GNA14: variants seen among roughly 807,000 people sequenced by gnomAD.
GNA14 encodes the protein guanine nucleotide-binding protein subunit alpha-14.
GNA14 carries 50 observed loss-of-function variants against 42.0 expected under a neutral mutation model. The ratio of observed to expected loss-of-function variants is 1.19; its 90% CI spans 0.95 to 1.51. The LOEUF (loss-of-function observed/expected upper bound fraction) is 1.51. Among genes scored for constraint, GNA14 ranks in the 40% most tolerant of loss-of-function variants. The pLI, the probability that GNA14 is intolerant of heterozygous loss-of-function variation, is 0.00. For missense variants in GNA14, 473 were observed against 446.2 expected, an observed-to-expected ratio of 1.06 and a Z score of -0.54; for synonymous variants, 173 against 163.1, an observed-to-expected ratio of 1.06 and a Z score of -0.46.
At chr9:77,536,900 A>T (rs941290496) in intron 1 of GNA14, among the ~76,000 whole-genome samples, 5 of 152,180 alleles carry the variant, frequency 3.3e-5, no homozygotes, top group Admixed American at 1.3e-4. Flanking sequence ...CAAAAATAAT[A>T]TATTTCTCCT....
Position 77,454,865 on chromosome 9 carries a change from G to A in GNA14, c.310-20343C>T, listed in dbSNP as rs75500863. ...ACATATATTAGCATCTCCCATGAAT[G>A]TTTAGTTTGGGAAATGCCCTAGATG... is the stretch of plus-strand genomic sequence containing the variant. On this transcript the variant is annotated intron_variant, in intron 2 of 6. Coordinates refer to ENST00000341700, the MANE Select transcript of GNA14 (RefSeq NM_004297.4). Among the ~76,000 whole-genome samples, 373 of 152,264 alleles carry A rather than the reference G, an allele frequency of 2.4e-3. 3 individuals are homozygous for A. In the East Asian group the frequency reaches 0.029, roughly 12 times the overall value.
intron 1 of GNA14, among the ~76,000 whole-genome samples, chr9:77,576,003 G>C (rs1823122933): frequency 6.6e-6 from 1 of 152,210 alleles, no homozygotes; most frequent in Non-Finnish European, 1.5e-5. Flanking sequence ...CCATGGTGCT[G>C]AAATGTTGTT....
intron 1 of GNA14, among the ~76,000 whole-genome samples, chr9:77,533,271 C>T (rs1452607630): frequency 6.6e-6 from 1 of 152,194 alleles, no homozygotes; most frequent in African/African-American, 2.4e-5. Context: ...ACCTCCGCCT[C>T]TGGGTTCAAG....
At chr9:77,453,911 G>A (rs1587770535) in intron 2 of GNA14, among the ~76,000 whole-genome samples, 1 of 152,174 alleles carries the variant, frequency 6.6e-6, no homozygotes, top group Admixed American at 6.5e-5. Context: ...TTTCTCACAG[G>A]ATAAAACTGC....
intron 1 of GNA14, among the ~76,000 whole-genome samples, chr9:77,541,641 TTCTC>T (rs1361694880): frequency 2.6e-5 from 4 of 152,328 alleles, no homozygotes; most frequent in Admixed American, 1.3e-4. Context: ...AACATTTTCA[TTCTC>T]TCTCTATCCT....
intron 1 of GNA14, among the ~76,000 whole-genome samples, chr9:77,633,801 T>C (rs1564071699): frequency 6.6e-6 from 1 of 152,120 alleles, no homozygotes; most frequent in Non-Finnish European, 1.5e-5. Flanking sequence ...CTCTGGCCAG[T>C]CAATCTTGCC....
intron 1 of GNA14, among the ~76,000 whole-genome samples, chr9:77,633,272 T>C (rs970562326): frequency 1.1e-4 from 16 of 152,148 alleles, no homozygotes; most frequent in Admixed American, 1.0e-3. Flanking sequence ...ATATTTAAGA[T>C]GCATTCTCAA....
intron 1 of GNA14, among the ~76,000 whole-genome samples, chr9:77,562,825 T>A (rs1195005227): frequency 6.6e-6 from 1 of 152,196 alleles, no homozygotes; most frequent in African/African-American, 2.4e-5. Flanking sequence ...TCTACCCTGA[T>A]CCCTAGTATT....
chr9:77,483,615 T>G (rs1311757787), intron 2 of GNA14, among the ~76,000 whole-genome samples: 1 of 152,220 alleles, frequency 6.6e-6, no homozygotes, highest in African/African-American at 2.4e-5. Context: ...CAGGGACATT[T>G]AAGTCTGCAG....
At chr9:77,476,031 T>A (rs1296027038) in intron 2 of GNA14, among the ~76,000 whole-genome samples, 1 of 152,146 alleles carries the variant, frequency 6.6e-6, no homozygotes, top group African/African-American at 2.4e-5. Context: ...CAGAAATACA[T>A]GTGACTAAGA....
intron 2 of GNA14, among the ~76,000 whole-genome samples, chr9:77,504,536 TA>T (rs35482980): frequency 9.3e-4 from 112 of 120,334 alleles, no homozygotes; most frequent in Admixed American, 8.5e-4. Flanking sequence ...TCCCTTTCTT[TA>T]AAAAAAAAAA....
At chr9:77,485,567 C>T (rs1007052806) in intron 2 of GNA14, among the ~76,000 whole-genome samples, 3 of 152,108 alleles carry the variant, frequency 2.0e-5, no homozygotes, top group African/African-American at 4.8e-5. Context: ...ATTTACTTTG[C>T]CCAGATCAAT....
rs34429720 is a variant in GNA14, at chr9:77,472,788, A to ATCTCTCTC, written c.310-38274_310-38267dup. 6.6e-3 allele frequency among the ~76,000 whole-genome samples: 938 copies of ATCTCTCTC among 142,076 alleles called. 10 individuals are homozygous for ATCTCTCTC. Among genetic ancestry groups the ATCTCTCTC allele is most frequent in the South Asian group, 0.034 (144 of 4,238 alleles). The allele number at this position is 142,076 out of a possible 152,430, so 93.2% of individuals were successfully genotyped here. On this transcript the variant is annotated intron_variant, in intron 2 of 6. Transcript: ENST00000341700. ...TTATAAGAGGAAGAGACATGACATG[A>ATCTCTCTC]TCTCTCTCTCTCTCTCTCTCTCTCT... is the stretch of plus-strand genomic sequence containing the variant.
At chr9:77,561,138 G>A (rs1822876517) in intron 1 of GNA14, among the ~76,000 whole-genome samples, 3 of 152,076 alleles carry the variant, frequency 2.0e-5, no homozygotes, top group Non-Finnish European at 4.4e-5. Flanking sequence ...TCACAATTAA[G>A]GTGTCACCAG....
chr9:77,578,382 A>C (rs933075077), intron 1 of GNA14, among the ~76,000 whole-genome samples: 1 of 152,192 alleles, frequency 6.6e-6, no homozygotes, highest in Non-Finnish European at 1.5e-5. Context: ...AGTCTCTCAC[A>C]TAACTCTAGA....
chr9:77,637,536 T>C (rs1206555349), intron 1 of GNA14, among the ~76,000 whole-genome samples: 1 of 152,250 alleles, frequency 6.6e-6, no homozygotes, highest in Admixed American at 6.5e-5. Context: ...TTAAAAAGTA[T>C]ATTTTAACTT....
chr9:77,438,629 G>A (rs1835678152), intron 2 of GNA14, among the ~76,000 whole-genome samples: 1 of 151,994 alleles, frequency 6.6e-6, no homozygotes, highest in African/African-American at 2.4e-5. Flanking sequence ...AAAGATGTGG[G>A]GAAAATGGTA....
At chr9:77,641,034 T>A (rs931505840) in intron 1 of GNA14, among the ~76,000 whole-genome samples, 6 of 130,490 alleles carry the variant, frequency 4.6e-5, no homozygotes, top group Non-Finnish European at 6.5e-5. Context: ...ACCTAGGTAT[T>A]CACGAATTTG....
At chr9:77,540,059 T>C (rs1564048732) in intron 1 of GNA14, among the ~76,000 whole-genome samples, 1 of 152,138 alleles carries the variant, frequency 6.6e-6, no homozygotes, top group Non-Finnish European at 1.5e-5. Flanking sequence ...TGTATTTTAG[T>C]TCCTTGGGAT....
Sources: allele counts gnomAD v4.1 joint callset (sites outside exome capture counted in the v4.1 genomes callset), GRCh38; gene constraint gnomAD v4.1.1; transcripts MANE v1.5; gene names NCBI Gene and HGNC (gene_info 2026-07-23, HGNC 2026-07-21).